The following INSL6 variants were observed in gnomAD, a reference collection of about 807,000 sequenced individuals.
INSL6 encodes insulin like 6.
Under a neutral mutation model 9.4 loss-of-function variants are expected in INSL6, and 16 were observed. The observed-to-expected ratio is 1.70, with a 90% CI of 1.15 to 2.59. The LOEUF is 2.59. Ranked by LOEUF, INSL6 falls within the 30% of genes most tolerant of loss-of-function variation. The pLI, the probability that INSL6 is intolerant of heterozygous loss-of-function variation, is 0.00. For synonymous variants in INSL6, 154 were observed against 96.9 expected (o/e 1.59, Z -3.46); for missense variants, 391 against 257.3 (o/e 1.52, Z -3.56).
chr9:5,062,970 G>T, the INSL6 span, among the ~76,000 whole-genome samples: 3 of 151,796 alleles, frequency 2.0e-5, no homozygotes, highest in African/African-American at 7.3e-5. Context: ...ATATTCCTTT[G>T]TTATACATGT....
At chr9:5,182,036 T>C (rs749767225) in intron 1 of INSL6, among the ~76,000 whole-genome samples, 33 of 152,186 alleles carry the variant, frequency 2.2e-4, no homozygotes, top group Non-Finnish European at 4.3e-4. Context: ...AACATACACA[T>C]ACTTCATGAC....
intron 3 of INSL6, among the ~76,000 whole-genome samples, chr9:5,129,521 G>T (rs547332562): frequency 2.6e-5 from 4 of 151,804 alleles, no homozygotes; most frequent in Admixed American, 2.6e-4. Flanking sequence ...CTAATTTGGG[G>T]GCATAATGTA....
chr9:5,001,081 A>G, the INSL6 span, among the ~76,000 whole-genome samples: 1 of 152,238 alleles, frequency 6.6e-6, no homozygotes, highest in Non-Finnish European at 1.5e-5. Flanking sequence ...AAATTCATTT[A>G]TAAGTTCTAG....
At chr9:5,048,365 A>G in the INSL6 span, among the ~76,000 whole-genome samples, 3 of 151,926 alleles carry the variant, frequency 2.0e-5, no homozygotes, top group East Asian at 3.9e-4. Flanking sequence ...CTGGTCTCGA[A>G]CTCCTGACCT....
At chr9:5,132,546 T>C (rs554504424) in intron 3 of INSL6, among the ~76,000 whole-genome samples, 3 of 143,876 alleles carry the variant, frequency 2.1e-5, no homozygotes, top group Non-Finnish European at 1.5e-5. Context: ...ACATTTTTTC[T>C]TTTTCTTAAA....
At chr9:4,992,558 C>A in the INSL6 span, among the ~76,000 whole-genome samples, 1 of 152,152 alleles carries the variant, frequency 6.6e-6, no homozygotes, top group Non-Finnish European at 1.5e-5. Context: ...GAAATACACG[C>A]AAAATACACT....
At chr9:5,107,575 A>T in the INSL6 span, among the ~76,000 whole-genome samples, 2 of 152,178 alleles carry the variant, frequency 1.3e-5, no homozygotes, top group African/African-American at 4.8e-5. Flanking sequence ...TGAATTGGTA[A>T]ATAGTTTAAG....
the INSL6 span, chr9:5,041,691 G>A: frequency 2.0e-6 from 1 of 509,304 alleles, no homozygotes; most frequent in Non-Finnish European, 3.9e-6. Context: ...CGACCGAAGC[G>A]GCTTCGTGTT....
At chr9:5,112,511 TC>T in the INSL6 span, 83 of 559,984 alleles carry the variant, frequency 1.5e-4, no homozygotes, top group Non-Finnish European at 2.4e-4. Flanking sequence ...GATGACCTTT[TC>T]CCCCCAGAGC....
chr9:5,122,847 G>A (rs950805459), downstream of INSL6, among the ~76,000 whole-genome samples: 4 of 139,862 alleles, frequency 2.9e-5, no homozygotes, highest in Admixed American at 2.1e-4. Context: ...ACAGGTGCCA[G>A]GCAAAAAGGC....
chr9:5,006,217 G>A, the INSL6 span, among the ~76,000 whole-genome samples: 11 of 152,120 alleles, frequency 7.2e-5, no homozygotes, highest in Admixed American at 5.9e-4. Context: ...CACATCCCTT[G>A]TAAGTTGGAT....
the INSL6 span, chr9:5,112,268 G>A: frequency 3.8e-6 from 1 of 260,172 alleles, no homozygotes; most frequent in Non-Finnish European, 7.6e-6. Context: ...CGGCCCTGCG[G>A]GCAGCGCCAG....
At chr9:5,132,443 T>C (rs1824309611) in intron 3 of INSL6, among the ~76,000 whole-genome samples, 1 of 152,120 alleles carries the variant, frequency 6.6e-6, no homozygotes. Context: ...TACAATCAAA[T>C]GCCAAAAATA....
At chr9:4,993,255 T>C in the INSL6 span, among the ~76,000 whole-genome samples, 1 of 152,198 alleles carries the variant, frequency 6.6e-6, no homozygotes, top group East Asian at 1.9e-4. Context: ...ATATTTCGTC[T>C]GAAAGGATCT....
intron 2 of INSL6, among the ~76,000 whole-genome samples, chr9:5,156,671 T>C (rs1289291286): frequency 6.6e-6 from 1 of 152,178 alleles, no homozygotes; most frequent in East Asian, 1.9e-4. Context: ...CTGGAAGTCC[T>C]AGGCAATGCA....
At chr9:5,084,995 T>A in the INSL6 span, 1 of 844,928 alleles carries the variant, frequency 1.2e-6, no homozygotes, top group Non-Finnish European at 1.9e-6. Context: ...GAAAGAGTTG[T>A]CATTTATGTC....
chr9:5,137,806 A>G (rs1824414429), intron 2 of INSL6, among the ~76,000 whole-genome samples: 1 of 152,224 alleles, frequency 6.6e-6, no homozygotes. Context: ...CAGGTTACCT[A>G]CATAATGGGA....
downstream of INSL6, chr9:5,123,185 G>A (rs546657780): frequency 2.7e-5 from 31 of 1,133,064 alleles, no homozygotes; most frequent in South Asian, 4.3e-4. Flanking sequence ...TAAATTTATG[G>A]GGTACAAGTA....
chr9:5,042,804 G>A, the INSL6 span, among the ~76,000 whole-genome samples: 1 of 152,196 alleles, frequency 6.6e-6, no homozygotes, highest in African/African-American at 2.4e-5. Context: ...GGAACGGAGG[G>A]GTGGGGCCGC....
Sources: allele counts gnomAD v4.1 joint callset (sites outside exome capture counted in the v4.1 genomes callset), GRCh38; gene constraint gnomAD v4.1.1; transcripts MANE v1.5; gene names NCBI Gene and HGNC (gene_info 2026-07-23, HGNC 2026-07-21).